Variants in PCDHA4 observed in about 807,000 individuals in gnomAD.
The protein encoded by PCDHA4 is protocadherin alpha 4.
Under a neutral mutation model 61.4 loss-of-function variants are expected in PCDHA4, and 49 were observed. That is an observed-to-expected ratio of 0.80 (90% confidence interval 0.63 to 1.01). The LOEUF (loss-of-function observed/expected upper bound fraction) is 1.01, where lower values mean the gene tolerates loss of function less well. Ranked by LOEUF, PCDHA4 falls within the 50% of genes least tolerant of loss-of-function variation. The pLI is 0.00. For synonymous variants in PCDHA4, 590 were observed against 550.3 expected, an observed-to-expected ratio of 1.07 and a Z score of -1.01; for missense variants, 1,254 against 1,235.8, an observed-to-expected ratio of 1.01 and a Z score of -0.22.
intron 3 of PCDHA4, among the ~76,000 whole-genome samples, chr5:141,005,543 A>G (rs2153984572): frequency 6.6e-6 from 1 of 151,530 alleles, no homozygotes; most frequent in South Asian, 2.1e-4. Context: ...CTCTACTAAA[A>G]ATACAAAAAT....
intron 3 of PCDHA4, among the ~76,000 whole-genome samples, chr5:141,003,690 T>C (rs1441506131): frequency 2.0e-5 from 3 of 152,232 alleles, no homozygotes; most frequent in African/African-American, 7.2e-5. Flanking sequence ...TTTTAAAATA[T>C]ATCCCTACCA....
At chr5:140,824,196 A>G (rs1554129794) in intron 1 of PCDHA4, 1 of 1,598,358 alleles carries the variant, frequency 6.3e-7, no homozygotes, top group East Asian at 2.2e-5. Context: ...ACATTCACCC[A>G]CTTTTTTTGT....
intron 1 of PCDHA4, among the ~76,000 whole-genome samples, chr5:140,893,362 C>T (rs782554595): frequency 6.6e-5 from 10 of 152,110 alleles, no homozygotes; most frequent in African/African-American, 9.7e-5. Flanking sequence ...TACATGCCCA[C>T]CAACAGCATT....
chr5:140,882,769 A>C, intron 1 of PCDHA4: 1 of 1,614,242 alleles, frequency 6.2e-7, no homozygotes, highest in Admixed American at 1.7e-5. Context: ...TAAACTCGGC[A>C]TTGACCTACC....
At chr5:140,937,736 C>T (rs778178538) in intron 1 of PCDHA4, among the ~76,000 whole-genome samples, 84 of 151,896 alleles carry the variant, frequency 5.5e-4, no homozygotes, top group Non-Finnish European at 1.1e-3. Context: ...CACGGTGAAA[C>T]CCCGTCTCTA....
intron 1 of PCDHA4, among the ~76,000 whole-genome samples, chr5:140,878,675 G>C (rs1582445027): frequency 6.6e-6 from 1 of 152,048 alleles, no homozygotes; most frequent in East Asian, 1.9e-4. Flanking sequence ...TTTAACCAGG[G>C]AATAAAGTCT....
At chr5:140,916,472 G>A (rs2077581791) in intron 1 of PCDHA4, among the ~76,000 whole-genome samples, 1 of 152,192 alleles carries the variant, frequency 6.6e-6, no homozygotes, top group Non-Finnish European at 1.5e-5. Context: ...TGGTTATTTG[G>A]TGCCCAAGGG....
Position 140,834,957 on chromosome 5 carries a change from C to G in PCDHA4, c.2385+25385C>G, listed in dbSNP as rs1222102897. 5.9e-6 allele frequency: 9 copies of G among 1,532,830 alleles called. No homozygotes were observed. In the African/African-American group the frequency reaches 1.2e-4, roughly 20 times the overall value. The allele number at this position is 1,532,830 out of a possible 1,614,324, so 95.0% of individuals were successfully genotyped here. On this transcript the variant is annotated intron_variant, in intron 1 of 3. Coordinates refer to ENST00000530339, the MANE Select transcript of PCDHA4 (RefSeq NM_018907.4). ...AACCAGCAACCAGCAGGTAAAACCT[C>G]TTGGACTTGTATTACGGAAACTTTT...
chr5:140,866,444 T>G (rs1399450824), intron 1 of PCDHA4: 1 of 152,130 alleles, frequency 6.6e-6, no homozygotes, highest in African/African-American at 2.4e-5. Context: ...TTCTTCAGTC[T>G]TATTGTTGGC....
rs200630375 is a variant in PCDHA4, at chr5:140,857,325, C to A, written c.2385+47753C>A. 1.8e-5 allele frequency: 28 copies of A among 1,598,630 alleles called. 3 individuals are homozygous for A. The highest frequency in any genetic ancestry group is 3.4e-5 in the Admixed American group (2 of 59,352). Reference sequence around the variant, plus strand: ...TCGGCCTATGAGCTGGTGGTGACCGCGCGGGACGGGGGCTCGCCTCCGCTG... The same window carrying A: ...TCGGCCTATGAGCTGGTGGTGACCGAGCGGGACGGGGGCTCGCCTCCGCTG... On this transcript the variant is annotated intron_variant, in intron 1 of 3. Transcript: ENST00000530339.
intron 1 of PCDHA4, among the ~76,000 whole-genome samples, chr5:140,945,084 G>A (rs2093736806): frequency 6.6e-6 from 1 of 151,822 alleles, no homozygotes; most frequent in Admixed American, 6.6e-5. Context: ...AACACTCTTG[G>A]AACTAATAAA....
At chr5:140,836,566 C>A (rs1774576501) in intron 1 of PCDHA4, 1 of 1,613,742 alleles carries the variant, frequency 6.2e-7, no homozygotes. Context: ...GCGCCGTCCT[C>A]TGAGGGCGCA....
intron 1 of PCDHA4, chr5:140,821,992 C>T (rs2150112812): frequency 1.2e-6 from 2 of 1,614,186 alleles, no homozygotes; most frequent in East Asian, 2.2e-5. Flanking sequence ...CCGCGGGGAC[C>T]TTCTGGAGGT....
chr5:140,867,125 A>G (rs781885950), intron 1 of PCDHA4: 1 of 152,144 alleles, frequency 6.6e-6, no homozygotes, highest in Non-Finnish European at 1.5e-5. Flanking sequence ...TTTTAATTCA[A>G]ATATGTGATA....
intron 1 of PCDHA4, chr5:140,824,244 A>AC: frequency 6.8e-7 from 1 of 1,468,334 alleles, no homozygotes; most frequent in Non-Finnish European, 9.4e-7. Context: ...ATATTGTGGT[A>AC]CACAATTATT....
chr5:140,816,591 G>A (rs1765953381), intron 1 of PCDHA4: 1 of 151,370 alleles, frequency 6.6e-6, no homozygotes, highest in Non-Finnish European at 1.5e-5. Context: ...TTATTACTTT[G>A]TGTTGATATC....
intron 1 of PCDHA4, among the ~76,000 whole-genome samples, chr5:140,879,279 A>G (rs2057928398): frequency 2.0e-5 from 3 of 152,250 alleles, no homozygotes; most frequent in East Asian, 3.8e-4. Flanking sequence ...CAGACTCAAT[A>G]CAAATGATAA....
At chr5:140,912,689 CA>C (rs781833135) in intron 1 of PCDHA4, among the ~76,000 whole-genome samples, 5 of 152,112 alleles carry the variant, frequency 3.3e-5, no homozygotes, top group African/African-American at 4.8e-5. Context: ...TTCCAGGTCT[CA>C]GGGGGAATGC....
intron 1 of PCDHA4, among the ~76,000 whole-genome samples, chr5:140,873,657 C>A (rs1270824058): frequency 6.6e-6 from 1 of 152,090 alleles, no homozygotes; most frequent in Non-Finnish European, 1.5e-5. Context: ...ACATAACACA[C>A]TATTATTATT....
Sources: allele counts gnomAD v4.1 joint callset (sites outside exome capture counted in the v4.1 genomes callset), GRCh38; gene constraint gnomAD v4.1.1; transcripts MANE v1.5; gene names NCBI Gene and HGNC (gene_info 2026-07-23, HGNC 2026-07-21).